DCAF8: variants seen among roughly 807,000 people sequenced by gnomAD.
DCAF8 encodes the protein DDB1- and CUL4-associated factor 8.
A neutral mutation model predicts 68.0 loss-of-function variants in DCAF8; 20 were observed. The observed-to-expected ratio is 0.29, with a 90% confidence interval of 0.21 to 0.43. The LOEUF is 0.43. DCAF8 is among the 20% of genes least tolerant of loss of function. The pLI is 1.00. For synonymous variants in DCAF8, 230 were observed against 276.9 expected (o/e 0.83, Z 1.68); for missense variants, 460 against 771.0 (o/e 0.60, Z 4.78).
intron 8 of DCAF8, 40 bp from the exon 9 acceptor site, chr1:160,225,159 C>G (rs368028669): frequency 1.0e-4 from 161 of 1,595,968 alleles, no homozygotes; most frequent in Middle Eastern, 6.7e-4. Flanking sequence ...CCCCACCCCC[C>G]CATTTGTTAT....
intron 4 of DCAF8, chr1:160,239,476 C>T (rs1466559016): frequency 1.4e-6 from 2 of 1,453,518 alleles, no homozygotes; most frequent in Non-Finnish European, 1.8e-6. Context: ...AAGCTGCATG[C>T]ACCCTACCTA....
intron 2 of DCAF8, among the ~76,000 whole-genome samples, chr1:160,258,402 C>T (rs1377344758): frequency 6.6e-6 from 1 of 152,044 alleles, no homozygotes; most frequent in African/African-American, 2.4e-5. Flanking sequence ...AGGTCACAAG[C>T]ATTCTTAGCC....
chr1:160,236,719 T>C (rs1220125233), intron 6 of DCAF8, among the ~76,000 whole-genome samples: 8 of 152,228 alleles, frequency 5.3e-5, no homozygotes, highest in African/African-American at 1.9e-4. Context: ...AGAACTCAAC[T>C]ACAGCTACCA....
chr1:160,256,915 C>G (rs1256195436), intron 2 of DCAF8, among the ~76,000 whole-genome samples: 1 of 152,110 alleles, frequency 6.6e-6, no homozygotes, highest in African/African-American at 2.4e-5. Flanking sequence ...AAAAAAACTG[C>G]TGCAAAGAAG....
intron 13 of DCAF8, 186 bp from the exon 14 acceptor site, chr1:160,217,894 C>T (rs999842314): frequency 3.7e-6 from 2 of 546,340 alleles, no homozygotes; most frequent in Non-Finnish European, 6.5e-6. Flanking sequence ...CTCATTGTAG[C>T]GTGAAGGCCG....
intron 2 of DCAF8, among the ~76,000 whole-genome samples, chr1:160,249,796 G>A (rs1266772084): frequency 2.0e-5 from 3 of 152,152 alleles, no homozygotes; most frequent in Non-Finnish European, 4.4e-5. Context: ...CACACAATGG[G>A]ATACTACTGA....
intron 7 of DCAF8, among the ~76,000 whole-genome samples, chr1:160,230,327 C>T (rs1462663256): frequency 6.6e-6 from 1 of 152,174 alleles, no homozygotes; most frequent in African/African-American, 2.4e-5. Context: ...CCCTCTCTCT[C>T]CTTTCAAACT....
At position 160,215,834 on chromosome 1, in the gene DCAF8, C is replaced by T. The variant is rs1557826207; in HGVS notation, c.*1758G>A. On this transcript the variant is annotated 3_prime_UTR_variant, in exon 14 of 14. Transcript: ENST00000368074. ...GAACACAGACCACTCGATCACCACA[C>T]ATTCCCTACCTCAGGGAGTAAGTAC... The T allele has an allele frequency of 6.6e-6, 1 of 152,260 alleles. No homozygotes were observed. The highest frequency in any genetic ancestry group is 1.5e-5 in the Non-Finnish European group (1 of 68,034). The allele number at this position is 152,260 out of a possible 1,614,324, so 9.4% of individuals were successfully genotyped here.
In DCAF8 at chr1:160,225,135, G is replaced by GAT; in HGVS notation, c.1144-18_1144-17dup. The GAT allele has an allele frequency of 6.2e-7, 1 of 1,611,990 alleles. No homozygotes were observed. The highest frequency in any genetic ancestry group is 8.5e-7 in the Non-Finnish European group (1 of 1,178,590). ...CACTGTTCACCTGCAATAAGGAGCA[G>GAT]ATACTGACTGATGCCCCACCCCCCC... is the stretch of plus-strand genomic sequence containing the variant. On this transcript the variant is annotated splice_polypyrimidine_tract_variant and intron_variant, in intron 8 of 13. Coordinates refer to ENST00000368074, the MANE Select transcript of DCAF8 (RefSeq NM_015726.4).
At chr1:160,229,154 G>A (rs1300929231) in intron 7 of DCAF8, among the ~76,000 whole-genome samples, 4 of 152,176 alleles carry the variant, frequency 2.6e-5, no homozygotes. Context: ...AAAATAGCCA[G>A]GCAAAGTGGC....
rs1436356381 is a variant in DCAF8 at position 160,262,500 on chromosome 1, G to A, written c.-152C>T. On this transcript the variant is annotated 5_prime_UTR_variant, in exon 1 of 14. Transcript: ENST00000368074. ...GCCTCCGCTCTCTGCGCTTGCGCCTGCGCTGCCACGCTTTCCGGCCCCGTT... is the reference window on the plus strand; with the variant it reads ...GCCTCCGCTCTCTGCGCTTGCGCCTACGCTGCCACGCTTTCCGGCCCCGTT... 4 of 399,716 alleles carry A rather than the reference G, an allele frequency of 1.0e-5. No individual in the cohort carries two copies. In the East Asian group the frequency reaches 1.4e-4, roughly 14 times the overall value. 24.8% of individuals were successfully genotyped at this position (399,716 alleles called of 1,614,324 possible).
At position 160,240,015 on chromosome 1, in the gene DCAF8, G is replaced by C. The variant is rs778901753; in HGVS notation, c.405C>G (p.Ala135=). Residue 135 remains alanine, a synonymous_variant, in exon 4 of 14, where the codon GCC becomes GCG. Coordinates refer to ENST00000368074, the MANE Select transcript of DCAF8 (RefSeq NM_015726.4). ...RDQDSSDDER[A]LEDWVSSETS... The stretch of plus-strand genomic sequence containing the variant: ...TTTCTGAGGACACCCAGTCCTCTAG[G>C]GCCCGCTCATCATCTGATGAGTCCT... 4.3e-6 allele frequency: 7 copies of C among 1,614,222 alleles called. No homozygotes were observed. The highest frequency in any genetic ancestry group is 3.3e-5 in the Admixed American group (2 of 60,024).
intron 7 of DCAF8, among the ~76,000 whole-genome samples, chr1:160,230,659 A>T (rs1408530030): frequency 2.0e-5 from 3 of 152,232 alleles, no homozygotes; most frequent in Non-Finnish European, 4.4e-5. Flanking sequence ...TTACATACGA[A>T]AAAGGTAGAT....
chr1:160,247,792 G>A (rs1286246892), intron 2 of DCAF8, among the ~76,000 whole-genome samples: 2 of 151,926 alleles, frequency 1.3e-5, no homozygotes, highest in Non-Finnish European at 2.9e-5. Flanking sequence ...ACATTCAACT[G>A]CCAAAAGAAA....
At chr1:160,229,065 C>T (rs1655578050) in intron 7 of DCAF8, among the ~76,000 whole-genome samples, 1 of 152,126 alleles carries the variant, frequency 6.6e-6, no homozygotes, top group South Asian at 2.1e-4. Flanking sequence ...TTTGAGAGGC[C>T]GAGGTGGGTG....
chr1:160,223,698 G>A (rs539538292), intron 10 of DCAF8, among the ~76,000 whole-genome samples: 3 of 152,138 alleles, frequency 2.0e-5, no homozygotes, highest in Non-Finnish European at 4.4e-5. Flanking sequence ...AGGAGTTAGA[G>A]ACCAGCTTGG....
At position 160,217,155 on chromosome 1, in the gene DCAF8, A is replaced by C. The variant is rs1323059679; in HGVS notation, c.*437T>G. The stretch of plus-strand genomic sequence containing the variant: ...AAAAACAAAGGAAGAAAAGGTCAAA[A>C]ACCTAAACCAAAGAGAGAGTGGCAC... On this transcript the variant is annotated 3_prime_UTR_variant, in exon 14 of 14. Transcript: ENST00000368074. 1 of 155,276 alleles carries C rather than the reference A, an allele frequency of 6.4e-6. No homozygotes were observed. The highest frequency in any genetic ancestry group is 1.4e-5 in the Non-Finnish European group (1 of 70,056). 9.6% of individuals were successfully genotyped at this position (155,276 alleles called of 1,614,324 possible). A position where few individuals can be genotyped will look rare whatever the true frequency, so the allele number is the denominator to read the frequency against.
chr1:160,218,427 T>C lies in DCAF8; in HGVS notation c.1574A>G (p.Asn525Ser). The change falls in exon 13 of 14, where the codon AAC (asparagine) becomes AGC (serine). Residue 525 changes from asparagine to serine, a missense_variant. Physicochemically the swap from Asn to Ser is conservative, Grantham distance 46. Coordinates refer to ENST00000368074, the MANE Select transcript of DCAF8 (RefSeq NM_015726.4). ...LTGLKDVIKKNKRERDEDSLH... is the reference protein window; with the variant it reads ...LTGLKDVIKKSKRERDEDSLH... Reference sequence around the variant, plus strand: ...GCTATCTTCATCCCGCTCCCGCTTGTTCTTCTTAATCACCTGGAACCCAAA... The same window carrying C: ...GCTATCTTCATCCCGCTCCCGCTTGCTCTTCTTAATCACCTGGAACCCAAA... 6.2e-7 allele frequency: 1 copy of C among 1,614,116 alleles called. No individual in the cohort carries two copies. Among genetic ancestry groups the C allele is most frequent in the African/African-American group, 1.3e-5 (1 of 75,036 alleles).
intron 7 of DCAF8, among the ~76,000 whole-genome samples, chr1:160,226,009 A>G (rs1360657191): frequency 1.1e-4 from 17 of 152,046 alleles, no homozygotes; most frequent in Admixed American, 1.1e-3. Flanking sequence ...ACGCCCGGCC[A>G]ATTTTTGTAT....
Sources: gnomAD v4.1 joint callset for allele counts (sites outside exome capture counted in the v4.1 genomes callset) on GRCh38, gnomAD v4.1.1 for gene constraint, MANE v1.5 for transcripts, NCBI Gene and HGNC (gene_info 2026-07-23, HGNC 2026-07-21) for gene names.